KAZN: variants seen among roughly 807,000 people sequenced by gnomAD.
KAZN encodes the protein kazrin.
Under a neutral mutation model 87.4 loss-of-function variants are expected in KAZN, and 40 were observed. That is an observed-to-expected ratio of 0.46 (90% CI 0.36 to 0.60). The LOEUF (loss-of-function observed/expected upper bound fraction) is 0.60. Ranked by LOEUF, KAZN falls within the 20% of genes least tolerant of loss-of-function variation. KAZN has a pLI of 0.00. For synonymous variants in KAZN, 466 were observed against 458.3 expected (o/e 1.02, Z -0.22); for missense variants, 898 against 1,073.9 (o/e 0.84, Z 2.29).
intron 1 of KAZN, among the ~76,000 whole-genome samples, chr1:14,136,506 A>G (rs899031580): frequency 7.9e-5 from 12 of 152,304 alleles, no homozygotes; most frequent in Non-Finnish European, 7.3e-5. Flanking sequence ...GTTGAAATAC[A>G]GGACATCAGT....
At chr1:14,438,634 T>G (rs1335992601) in intron 2 of KAZN, among the ~76,000 whole-genome samples, 1 of 152,134 alleles carries the variant, frequency 6.6e-6, no homozygotes, top group African/African-American at 2.4e-5. Flanking sequence ...TGAGCAGCAA[T>G]GAGTAGGAGA....
At chr1:14,903,403 C>T (rs1277072490) in intron 1 of KAZN, among the ~76,000 whole-genome samples, 1 of 152,228 alleles carries the variant, frequency 6.6e-6, no homozygotes, top group African/African-American at 2.4e-5. Flanking sequence ...CAGGTGGGCA[C>T]ACTGGGGCCC....
At chr1:14,518,421 C>T (rs1671409482) in intron 2 of KAZN, among the ~76,000 whole-genome samples, 1 of 152,080 alleles carries the variant, frequency 6.6e-6, no homozygotes. Context: ...AGGTTATCCG[C>T]CCGCCTCAGC....
At chr1:14,057,760 A>G (rs1228366759) in intron 1 of KAZN, among the ~76,000 whole-genome samples, 1 of 152,244 alleles carries the variant, frequency 6.6e-6, no homozygotes, top group Non-Finnish European at 1.5e-5. Flanking sequence ...AATGTGGGCC[A>G]GGCCACTGAG....
At chr1:14,288,439 C>T (rs1011815221) in intron 2 of KAZN, among the ~76,000 whole-genome samples, 3 of 152,190 alleles carry the variant, frequency 2.0e-5, no homozygotes, top group African/African-American at 7.2e-5. Flanking sequence ...TTATCCATTT[C>T]TTCTAGACAT....
At chr1:14,426,959 T>TAC (rs1557713905) in intron 2 of KAZN, among the ~76,000 whole-genome samples, 1 of 152,220 alleles carries the variant, frequency 6.6e-6, no homozygotes, top group East Asian at 1.9e-4. Context: ...GTACCTACTG[T>TAC]ACACCAGGCA....
At chr1:14,587,188 C>T (rs1259981188) in intron 2 of KAZN, among the ~76,000 whole-genome samples, 1 of 152,132 alleles carries the variant, frequency 6.6e-6, no homozygotes, top group Non-Finnish European at 1.5e-5. Context: ...GTAATCCCAG[C>T]ACTTTGGAAG....
chr1:14,514,599 AT>A (rs1478766985), intron 2 of KAZN, among the ~76,000 whole-genome samples: 16 of 30,806 alleles, frequency 5.2e-4, no homozygotes, highest in Non-Finnish European at 7.3e-4. Context: ...TATATTTTAT[AT>A]ATATATATAT....
intron 2 of KAZN, among the ~76,000 whole-genome samples, chr1:14,219,874 A>G (rs1647054110): frequency 6.6e-6 from 1 of 152,182 alleles, no homozygotes; most frequent in Non-Finnish European, 1.5e-5. Flanking sequence ...TCCTTAATCC[A>G]TATGTTCTAG....
At chr1:14,782,313 G>A (rs142808129) in intron 1 of KAZN, among the ~76,000 whole-genome samples, 24 of 152,180 alleles carry the variant, frequency 1.6e-4, no homozygotes, top group Admixed American at 7.2e-4. Context: ...TTGAGAGGCC[G>A]AGGCGGGTGA....
intron 1 of KAZN, among the ~76,000 whole-genome samples, chr1:14,720,934 C>T (rs1222444683): frequency 6.6e-6 from 1 of 152,186 alleles, no homozygotes; most frequent in East Asian, 1.9e-4. Context: ...GGTGGAGACC[C>T]TCCAGCCTGT....
chr1:14,841,817 G>A (rs993975881), intron 1 of KAZN, among the ~76,000 whole-genome samples: 10 of 152,136 alleles, frequency 6.6e-5, no homozygotes, highest in East Asian at 3.9e-4. Flanking sequence ...GCAATGGATC[G>A]GACCTGCCTG....
intron 8 of KAZN, among the ~76,000 whole-genome samples, chr1:15,073,269 G>A (rs1012835272): frequency 2.0e-4 from 31 of 152,186 alleles, no homozygotes; most frequent in African/African-American, 7.2e-4. Context: ...CCATTCCCAG[G>A]CCCCATCCTG....
At chr1:14,411,534 G>A (rs1049577402) in intron 2 of KAZN, among the ~76,000 whole-genome samples, 2 of 152,206 alleles carry the variant, frequency 1.3e-5, no homozygotes, top group Non-Finnish European at 2.9e-5. Context: ...TACCTCAAAT[G>A]ATCTGCCTGC....
At chr1:14,318,787 T>C (rs901933537) in intron 2 of KAZN, among the ~76,000 whole-genome samples, 3 of 152,008 alleles carry the variant, frequency 2.0e-5, no homozygotes, top group African/African-American at 7.2e-5. Flanking sequence ...CTTTTTACTC[T>C]TCAGTATTTA....
At chr1:14,886,858 G>A (rs962961953) in intron 1 of KAZN, among the ~76,000 whole-genome samples, 7 of 152,158 alleles carry the variant, frequency 4.6e-5, no homozygotes, top group African/African-American at 1.4e-4. Flanking sequence ...TTACACACAC[G>A]TGTGTATGTG....
At chr1:13,985,334 A>T (rs1176600545) in intron 1 of KAZN, among the ~76,000 whole-genome samples, 1 of 151,980 alleles carries the variant, frequency 6.6e-6, no homozygotes, top group East Asian at 1.9e-4. Flanking sequence ...AGACTGGATT[A>T]AGAAAATGTG....
chr1:14,850,033 T>C (rs1326296131), intron 1 of KAZN, among the ~76,000 whole-genome samples: 1 of 151,376 alleles, frequency 6.6e-6, no homozygotes, highest in Non-Finnish European at 1.5e-5. Context: ...CCTCCCAAGT[T>C]CAAGCGATTC....
At chr1:14,865,578 A>G (rs1371607699) in intron 1 of KAZN, among the ~76,000 whole-genome samples, 1 of 152,160 alleles carries the variant, frequency 6.6e-6, no homozygotes, top group African/African-American at 2.4e-5. Flanking sequence ...ACCAAAAGCC[A>G]GAGAGACGTC....
Sources: allele counts gnomAD v4.1 joint callset (sites outside exome capture counted in the v4.1 genomes callset), GRCh38; gene constraint gnomAD v4.1.1; transcripts MANE v1.5; gene names NCBI Gene and HGNC (gene_info 2026-07-23, HGNC 2026-07-21).